The following TRHDE variants were observed in gnomAD, a reference collection of about 807,000 sequenced individuals.
TRHDE encodes thyrotropin-releasing hormone-degrading ectoenzyme.
A neutral mutation model predicts 125.7 loss-of-function variants in TRHDE; 72 were observed. That is an observed-to-expected ratio of 0.57 (90% CI 0.47 to 0.70). The LOEUF (loss-of-function observed/expected upper bound fraction) is 0.70. Among genes scored for constraint, TRHDE ranks in the 30% least tolerant of loss-of-function variants. The pLI is 0.00. For synonymous variants in TRHDE, 509 were observed against 509.1 expected, an observed-to-expected ratio of 1.00 and a Z score of 0.00; for missense variants, 1,110 against 1,327.1, an observed-to-expected ratio of 0.84 and a Z score of 2.54.
chr12:72,175,252 G>C (rs145741273), intron 2 of TRHDE, among the ~76,000 whole-genome samples: 1 of 152,104 alleles, frequency 6.6e-6, no homozygotes, highest in Non-Finnish European at 1.5e-5. Context: ...TGCACTGTTC[G>C]TTCTTCTGTG....
At position 72,583,890 on chromosome 12, in the gene TRHDE, A is replaced by C. The variant is rs12816288; in HGVS notation, c.2321+8348A>C. On this transcript the variant is annotated intron_variant, in intron 12 of 18. Transcript: ENST00000261180. ...AGAAGTACAAATCTCCTGAGGCATTAAGGGCAGGCTTGTGGCTCTAAAGGA... is the reference window on the plus strand; with the variant it reads ...AGAAGTACAAATCTCCTGAGGCATTCAGGGCAGGCTTGTGGCTCTAAAGGA... Among the ~76,000 whole-genome samples, 244 of 87,282 alleles carry C rather than the reference A, an allele frequency of 2.8e-3. 43 individuals carry two copies. The highest frequency in any genetic ancestry group is 0.023 in the East Asian group (26 of 1,146). 57.3% of individuals were successfully genotyped at this position (87,282 alleles called of 152,430 possible). A position where few individuals can be genotyped will look rare whatever the true frequency, so the allele number is the denominator to read the frequency against.
At chr12:72,323,575 G>T (rs777691860) in intron 2 of TRHDE, among the ~76,000 whole-genome samples, 1 of 152,026 alleles carries the variant, frequency 6.6e-6, no homozygotes, top group East Asian at 1.9e-4. Context: ...CCTCATCTCA[G>T]TTCCACAAAT....
chr12:72,517,034 G>C (rs1027472531), intron 6 of TRHDE, among the ~76,000 whole-genome samples: 4 of 152,008 alleles, frequency 2.6e-5, no homozygotes, highest in Admixed American at 1.3e-4. Context: ...TGTGCTGCTG[G>C]ATTCAGTTTG....
intron 3 of TRHDE, among the ~76,000 whole-genome samples, chr12:72,380,790 C>CCTTT (rs1872130786): frequency 2.3e-5 from 3 of 131,718 alleles, no homozygotes; most frequent in Non-Finnish European, 4.6e-5. Context: ...TTCCTTCCTT[C>CCTTT]CTTCCTTCCT....
At chr12:72,195,272 C>T (rs1254116670) in intron 2 of TRHDE, among the ~76,000 whole-genome samples, 1 of 152,090 alleles carries the variant, frequency 6.6e-6, no homozygotes, top group African/African-American at 2.4e-5. Flanking sequence ...ACAACCAAAC[C>T]ACATCACTGT....
At chr12:72,489,767 G>A (rs1267784190) in intron 5 of TRHDE, among the ~76,000 whole-genome samples, 1 of 151,390 alleles carries the variant, frequency 6.6e-6, no homozygotes, top group Non-Finnish European at 1.5e-5. Context: ...TTAATACATG[G>A]TGCTGAGAAA....
chr12:72,370,560 A>G (rs1871531561), intron 2 of TRHDE, among the ~76,000 whole-genome samples: 2 of 152,134 alleles, frequency 1.3e-5, no homozygotes, highest in Non-Finnish European at 2.9e-5. Flanking sequence ...AGTGTCACCT[A>G]TCACTATATA....
At chr12:72,505,606 C>T (rs897162143) in intron 6 of TRHDE, among the ~76,000 whole-genome samples, 1 of 152,034 alleles carries the variant, frequency 6.6e-6, no homozygotes, top group African/African-American at 2.4e-5. Flanking sequence ...ATTCTTATGT[C>T]GTGGTTAGTA....
rs571610257 is a variant in TRHDE, at chr12:72,569,090, A to G, written c.2131+434A>G. ...GAGGCAATATTCTCCATGGAATTAT[A>G]TAATTACAGGGCCAGAAGGTGGGGG... On this transcript the variant is annotated intron_variant, in intron 10 of 18. Coordinates refer to ENST00000261180, the MANE Select transcript of TRHDE (RefSeq NM_013381.3). 2.2e-3 allele frequency among the ~76,000 whole-genome samples: 336 copies of G among 152,270 alleles called. 2 individuals carry two copies. Among genetic ancestry groups the G allele is most frequent in the African/African-American group, 7.6e-3 (314 of 41,562 alleles).
intron 5 of TRHDE, among the ~76,000 whole-genome samples, chr12:72,490,593 T>G (rs758299946): frequency 7.0e-5 from 10 of 141,894 alleles, no homozygotes; most frequent in Non-Finnish European, 1.5e-4. Context: ...TGAGGAAATT[T>G]TGTGTATAAA....
chr12:72,510,533 C>T (rs1008936559), intron 6 of TRHDE, among the ~76,000 whole-genome samples: 2 of 152,088 alleles, frequency 1.3e-5, no homozygotes, highest in Non-Finnish European at 2.9e-5. Flanking sequence ...GCTCCAGCTC[C>T]TAAGTGTCAG....
chr12:72,531,448 T>C (rs1401246519), intron 6 of TRHDE, among the ~76,000 whole-genome samples: 2 of 152,064 alleles, frequency 1.3e-5, no homozygotes, highest in South Asian at 2.1e-4. Context: ...TTTTATCATA[T>C]AGATTTTAAA....
chr12:72,296,817 G>A (rs370190170), intron 2 of TRHDE, among the ~76,000 whole-genome samples: 1 of 152,268 alleles, frequency 6.6e-6, no homozygotes, highest in Non-Finnish European at 1.5e-5. Context: ...GAGCCAATAG[G>A]TTCTATTACA....
intron 3 of TRHDE, among the ~76,000 whole-genome samples, chr12:72,382,228 A>T (rs1872218135): frequency 1.3e-5 from 2 of 152,140 alleles, no homozygotes; most frequent in Admixed American, 6.5e-5. Flanking sequence ...CTCAGAATTA[A>T]CCATTAATTG....
chr12:72,568,759 T>C (rs1870579543), intron 10 of TRHDE, 103 bp downstream of exon 10: 2 of 674,430 alleles, frequency 3.0e-6, no homozygotes, highest in Middle Eastern at 2.6e-4. Context: ...AAAGACAAAT[T>C]AGAAAGAGAA....
At chr12:72,535,649 G>C (rs1592519928) in intron 6 of TRHDE, among the ~76,000 whole-genome samples, 1 of 149,554 alleles carries the variant, frequency 6.7e-6, no homozygotes, top group African/African-American at 2.5e-5. Flanking sequence ...TTCTTTTTCT[G>C]TTCTTCAGAT....
chr12:72,439,217 T>C (rs961397872), intron 3 of TRHDE, among the ~76,000 whole-genome samples: 10 of 152,032 alleles, frequency 6.6e-5, no homozygotes, highest in African/African-American at 2.4e-4. Flanking sequence ...ATAGTATATT[T>C]TGAAGTCAGG....
In TRHDE at chr12:72,324,328, C is replaced by G. The variant is rs574267740; in HGVS notation, c.1188+37374C>G. 5.3e-5 allele frequency among the ~76,000 whole-genome samples: 8 copies of G among 152,076 alleles called. No homozygotes were observed. The East Asian group carries it at 1.5e-3, about 29-fold the overall frequency. On this transcript the variant is annotated intron_variant, in intron 2 of 18. Transcript: ENST00000261180. ...GACTAGAACCTTGGTCTCCCTGATA[C>G]CATAGTCCCTGATATTTACATATTG...
At chr12:72,321,457 A>G (rs1869090889) in intron 2 of TRHDE, among the ~76,000 whole-genome samples, 1 of 152,202 alleles carries the variant, frequency 6.6e-6, no homozygotes, top group African/African-American at 2.4e-5. Context: ...GGGAAAACCA[A>G]ACATGATATT....
Sources: allele counts gnomAD v4.1 joint callset (sites outside exome capture counted in the v4.1 genomes callset), GRCh38; gene constraint gnomAD v4.1.1; transcripts MANE v1.5; gene names NCBI Gene and HGNC (gene_info 2026-07-23, HGNC 2026-07-21).